PLCB4: variants seen among roughly 807,000 people sequenced by gnomAD.
PLCB4 encodes the protein phospholipase C beta 4.
PLCB4 carries 77 observed loss-of-function variants against 178.8 expected under a neutral mutation model. The observed-to-expected ratio is 0.43, with a 90% CI of 0.36 to 0.52. The LOEUF is 0.52. Ranked by LOEUF, PLCB4 falls within the 20% of genes least tolerant of loss-of-function variation. PLCB4 has a pLI of 0.00. For synonymous variants in PLCB4, 496 were observed against 490.8 expected (o/e 1.01, Z -0.14); for missense variants, 1,024 against 1,453.4 (o/e 0.70, Z 4.80).
At chr20:9,233,936 G>A (rs559925160) in intron 3 of PLCB4, among the ~76,000 whole-genome samples, 1 of 152,130 alleles carries the variant, frequency 6.6e-6, no homozygotes, top group Admixed American at 6.6e-5. Context: ...AAAATGAATT[G>A]GGAGTGTACA....
chr20:9,185,705 C>T (rs1331141892), intron 2 of PLCB4, among the ~76,000 whole-genome samples: 1 of 152,168 alleles, frequency 6.6e-6, no homozygotes, highest in East Asian at 1.9e-4. Context: ...CCTGTGTGAT[C>T]TGACTCCTTT....
intron 3 of PLCB4, among the ~76,000 whole-genome samples, chr20:9,219,671 A>C (rs2147283180): frequency 6.6e-6 from 1 of 152,178 alleles, no homozygotes; most frequent in African/African-American, 2.4e-5. Flanking sequence ...TAAAAATAAA[A>C]CCATTTGGCC....
intron 3 of PLCB4, among the ~76,000 whole-genome samples, chr20:9,280,136 T>C (rs1045060677): frequency 6.6e-6 from 1 of 151,962 alleles, no homozygotes; most frequent in Non-Finnish European, 1.5e-5. Context: ...GACTGTTGCA[T>C]AAAAAGCTGC....
At chr20:9,267,223 G>T (rs2094357989) in intron 3 of PLCB4, among the ~76,000 whole-genome samples, 1 of 152,260 alleles carries the variant, frequency 6.6e-6, no homozygotes, top group South Asian at 2.1e-4. Context: ...CATTAAATAT[G>T]TGCCAAATAT....
intron 7 of PLCB4, among the ~76,000 whole-genome samples, chr20:9,354,514 A>C (rs1042389391): frequency 2.0e-5 from 3 of 152,130 alleles, no homozygotes; most frequent in Non-Finnish European, 4.4e-5. Flanking sequence ...CCTGCCCCCA[A>C]GTTGCTGATT....
intron 28 of PLCB4, among the ~76,000 whole-genome samples, chr20:9,429,575 A>G (rs1457076120): frequency 1.3e-5 from 2 of 152,158 alleles, no homozygotes; most frequent in East Asian, 1.9e-4. Flanking sequence ...AATAAATACC[A>G]TTTTTCAAGT....
In PLCB4 at chr20:9,369,611, G is replaced by A. The variant is rs1022782943; in HGVS notation, c.504-1603G>A. Among the ~76,000 whole-genome samples the A allele has an allele frequency of 2.6e-5, 4 of 152,158 alleles. No homozygotes were observed. The East Asian group carries it at 7.7e-4, about 29-fold the overall frequency. ...TTATATTTGAATACAACTGTCTCAA[G>A]AACTCTTAAAAATGTACTTCTTGAA... On this transcript the variant is annotated intron_variant, in intron 9 of 39. Coordinates refer to ENST00000378473, the MANE Select transcript of PLCB4 (RefSeq NM_001377142.1).
At chr20:9,475,227 G>T (rs184856596) in intron 38 of PLCB4, among the ~76,000 whole-genome samples, 1 of 152,348 alleles carries the variant, frequency 6.6e-6, no homozygotes, top group Non-Finnish European at 1.5e-5. Flanking sequence ...ACTAAAGAAT[G>T]TAAATGTGCT....
In PLCB4 at chr20:9,085,620, A is replaced by T. The variant is rs144544615; in HGVS notation, c.-134-10667A>T. On this transcript the variant is annotated intron_variant, in intron 1 of 39. Transcript: ENST00000378473. ...TTGTCTTACTTTTAAATTCTGCCTT[A>T]TATAAGGCAGCATAAGTGGGCATTA... 5.0e-3 allele frequency among the ~76,000 whole-genome samples: 764 copies of T among 152,268 alleles called. 7 individuals are homozygous for T. Among genetic ancestry groups the T allele is most frequent in the African/African-American group, 0.017 (711 of 41,542 alleles).
At chr20:9,226,294 A>G (rs1046034821) in intron 3 of PLCB4, among the ~76,000 whole-genome samples, 2 of 152,212 alleles carry the variant, frequency 1.3e-5, no homozygotes, top group African/African-American at 4.8e-5. Context: ...GTAATAATAA[A>G]GCGGTCTAGA....
chr20:9,338,002 C>G lies in PLCB4; in HGVS notation c.166-6C>G, dbSNP rs772048538. 3 of 1,609,072 alleles carry G rather than the reference C, an allele frequency of 1.9e-6. No individual in the cohort carries two copies. Among genetic ancestry groups the G allele is most frequent in the Admixed American group, 3.3e-5 (2 of 59,922 alleles). ...CTCATTGCTGTGTTGTATTCTCTCTCTTCAGGAAGGACAGGTGCTAGAATG... is the reference window on the plus strand; with the variant it reads ...CTCATTGCTGTGTTGTATTCTCTCTGTTCAGGAAGGACAGGTGCTAGAATG... On this transcript the variant is annotated splice_region_variant and splice_polypyrimidine_tract_variant and intron_variant, in intron 5 of 39. Transcript: ENST00000378473.
At chr20:9,146,427 G>C (rs2092600219) in intron 2 of PLCB4, among the ~76,000 whole-genome samples, 1 of 152,010 alleles carries the variant, frequency 6.6e-6, no homozygotes, top group Non-Finnish European at 1.5e-5. Context: ...AAATGGATAA[G>C]GAATCAGGGA....
At chr20:9,440,012 G>A (rs1270877949) in intron 30 of PLCB4, among the ~76,000 whole-genome samples, 3 of 152,156 alleles carry the variant, frequency 2.0e-5, no homozygotes, top group African/African-American at 7.2e-5. Context: ...AAATGTTTGG[G>A]GTTCAGCTAA....
At chr20:9,322,666 C>A (rs1381331708) in intron 4 of PLCB4, among the ~76,000 whole-genome samples, 1 of 152,184 alleles carries the variant, frequency 6.6e-6, no homozygotes, top group Non-Finnish European at 1.5e-5. Flanking sequence ...ACTTTGTAGA[C>A]ATGTGAAAAG....
chr20:9,455,100 T>G (rs1487883356), intron 33 of PLCB4, among the ~76,000 whole-genome samples: 1 of 152,210 alleles, frequency 6.6e-6, no homozygotes, highest in East Asian at 1.9e-4. Context: ...ATTTCTTTTT[T>G]GTAAATTAAT....
At chr20:9,447,535 C>T (rs2042488979) in intron 32 of PLCB4, among the ~76,000 whole-genome samples, 2 of 152,226 alleles carry the variant, frequency 1.3e-5, no homozygotes, top group African/African-American at 2.4e-5. Context: ...ATCACTTCCA[C>T]CTCATTTTTT....
chr20:9,098,723 G>A (rs556778129), intron 2 of PLCB4, among the ~76,000 whole-genome samples: 7 of 127,548 alleles, frequency 5.5e-5, no homozygotes, highest in East Asian at 2.4e-4. Context: ...ATACGTGTGT[G>A]TGTATATATA....
chr20:9,113,707 CA>C (rs2091673153), intron 2 of PLCB4, among the ~76,000 whole-genome samples: 1 of 152,178 alleles, frequency 6.6e-6, no homozygotes, highest in East Asian at 1.9e-4. Flanking sequence ...AAAATAATGC[CA>C]AACATAATTA....
At chr20:9,457,521 T>TTCTGCAAGTCAC in intron 34 of PLCB4, 32 bp downstream of exon 34, 2 of 1,005,428 alleles carry the variant, frequency 2.0e-6, no homozygotes, top group Non-Finnish European at 3.2e-6. Context: ...CAGCAGTGAC[T>TTCTGCAAGTCAC]TGCAGAAGAC....
Sources: gnomAD v4.1 joint callset for allele counts (sites outside exome capture counted in the v4.1 genomes callset) on GRCh38, gnomAD v4.1.1 for gene constraint, MANE v1.5 for transcripts, NCBI Gene and HGNC (gene_info 2026-07-23, HGNC 2026-07-21) for gene names.